The following MEF2A variants were observed in gnomAD, a reference collection of about 807,000 sequenced individuals.
MEF2A encodes myocyte enhancer factor 2A, also known as myocyte-specific enhancer factor 2A.
Under a neutral mutation model 55.8 loss-of-function variants are expected in MEF2A, and 28 were observed. The ratio of observed to expected loss-of-function variants is 0.50; its 90% CI spans 0.37 to 0.69. The LOEUF (loss-of-function observed/expected upper bound fraction) is 0.69, where lower values mean the gene tolerates loss of function less well. Ranked by LOEUF, MEF2A falls within the 30% of genes least tolerant of loss-of-function variation. MEF2A has a pLI of 0.00. For synonymous variants in MEF2A, 239 were observed against 227.1 expected (o/e 1.05, Z -0.47); for missense variants, 528 against 626.2 (o/e 0.84, Z 1.67).
chr15:99,640,217 T>C (rs34877797), intron 3 of MEF2A, among the ~76,000 whole-genome samples: 2 of 152,240 alleles, frequency 1.3e-5, no homozygotes, highest in Non-Finnish European at 2.9e-5. Context: ...TTGTGACTTT[T>C]TGTTTTTTGT....
At chr15:99,711,144 C>A (rs1205020139) in intron 11 of MEF2A, among the ~76,000 whole-genome samples, 9 of 152,234 alleles carry the variant, frequency 5.9e-5, no homozygotes, top group Non-Finnish European at 1.0e-4. Flanking sequence ...TCTGGCTGCA[C>A]TGCTTGAAAG....
intron 2 of MEF2A, among the ~76,000 whole-genome samples, chr15:99,608,480 A>G (rs867080024): frequency 1.2e-4 from 18 of 152,254 alleles, no homozygotes; most frequent in Admixed American, 1.3e-4. Flanking sequence ...AAATTAAAAT[A>G]GAAAGATGCC....
intron 1 of MEF2A, chr15:99,566,643 C>T (rs906110792): frequency 6.6e-6 from 1 of 152,348 alleles, no homozygotes; most frequent in East Asian, 1.9e-4. Flanking sequence ...CCTCCAAGCC[C>T]GGGGGTCTCC....
At chr15:99,636,301 T>C (rs1406535567) in intron 3 of MEF2A, among the ~76,000 whole-genome samples, 1 of 152,204 alleles carries the variant, frequency 6.6e-6, no homozygotes, top group African/African-American at 2.4e-5. Flanking sequence ...TGATATGCAT[T>C]ATAAATATTA....
chr15:99,659,576 T>G (rs144904343), intron 4 of MEF2A, among the ~76,000 whole-genome samples: 121 of 152,300 alleles, frequency 7.9e-4, no homozygotes, highest in African/African-American at 2.8e-3. Flanking sequence ...TGCAGTCCAT[T>G]TAAGAAATGA....
intron 4 of MEF2A, among the ~76,000 whole-genome samples, chr15:99,662,778 C>G (rs183106765): frequency 6.6e-6 from 1 of 152,248 alleles, no homozygotes; most frequent in Admixed American, 6.5e-5. Context: ...GCGCCCGGCC[C>G]AAGCCATGAT....
rs1467669869 is a variant in MEF2A, at chr15:99,715,032, A to G, written c.*2261A>G. 1.3e-5 allele frequency: 2 copies of G among 152,134 alleles called. No homozygotes were observed. The highest frequency in any genetic ancestry group is 4.8e-5 in the African/African-American group (2 of 41,434). The allele number at this position is 152,134 out of a possible 1,614,324, so 9.4% of individuals were successfully genotyped here. On this transcript the variant is annotated 3_prime_UTR_variant, in exon 12 of 12. Transcript: ENST00000557942. The stretch of plus-strand genomic sequence containing the variant: ...TGACATGCTGTCTCCTCTCTTCAGT[A>G]TAGACATTAGGCTCTTATTCAGAAA...
intron 8 of MEF2A, among the ~76,000 whole-genome samples, chr15:99,702,367 T>G (rs978918887): frequency 3.9e-5 from 6 of 152,038 alleles, no homozygotes; most frequent in African/African-American, 1.2e-4. Context: ...AAAAACTGAT[T>G]AGACTGTTTC....
intron 1 of MEF2A, among the ~76,000 whole-genome samples, chr15:99,590,444 A>G (rs1218955072): frequency 2.7e-5 from 4 of 146,154 alleles, no homozygotes; most frequent in Non-Finnish European, 4.5e-5. Flanking sequence ...CTAGTATGAC[A>G]GTCTCTACTG....
In MEF2A at chr15:99,713,315, T is replaced by A. The variant is rs931409840; in HGVS notation, c.*544T>A. The A allele has an allele frequency of 3.4e-6, 1 of 298,360 alleles. No homozygotes were observed. Among genetic ancestry groups the A allele is most frequent in the Non-Finnish European group, 6.1e-6 (1 of 164,032 alleles). 18.5% of individuals were successfully genotyped at this position (298,360 alleles called of 1,614,324 possible). On this transcript the variant is annotated 3_prime_UTR_variant, in exon 12 of 12. Coordinates refer to ENST00000557942, the MANE Select transcript of MEF2A (RefSeq NM_001319206.4). ...TGCAAAGGGGTGCATGGGAAAGGGC[T>A]GTTGATATTAAAAACAAACAAAACA...
At chr15:99,574,371 A>G (rs545318486) in intron 1 of MEF2A, among the ~76,000 whole-genome samples, 5 of 152,302 alleles carry the variant, frequency 3.3e-5, no homozygotes, top group Admixed American at 1.3e-4. Context: ...TTTCAAAATG[A>G]TTCAAGCACA....
intron 4 of MEF2A, among the ~76,000 whole-genome samples, chr15:99,653,509 A>G (rs1036107308): frequency 4.6e-5 from 7 of 152,200 alleles, no homozygotes; most frequent in African/African-American, 1.7e-4. Context: ...GACATACCTT[A>G]TAATTTTCTA....
chr15:99,617,730 AT>A (rs1038303274), intron 2 of MEF2A, among the ~76,000 whole-genome samples: 1 of 151,328 alleles, frequency 6.6e-6, no homozygotes, highest in East Asian at 1.9e-4. Flanking sequence ...TTCATTCTAA[AT>A]TTTTTTTTGT....
At chr15:99,575,744 G>A (rs1275419927) in intron 1 of MEF2A, among the ~76,000 whole-genome samples, 1 of 152,164 alleles carries the variant, frequency 6.6e-6, no homozygotes, top group Non-Finnish European at 1.5e-5. Flanking sequence ...TTGCAAAATA[G>A]TGTTTTTCTA....
chr15:99,683,493 A>G (rs1343101223), intron 7 of MEF2A, among the ~76,000 whole-genome samples: 1 of 152,012 alleles, frequency 6.6e-6, no homozygotes, highest in East Asian at 1.9e-4. Flanking sequence ...TGCAGCCTCC[A>G]CCTCTGCGGC....
intron 2 of MEF2A, among the ~76,000 whole-genome samples, chr15:99,623,608 C>T (rs1295137890): frequency 2.6e-5 from 4 of 152,128 alleles, no homozygotes; most frequent in Non-Finnish European, 5.9e-5. Context: ...GAAATGGCAT[C>T]TCATTGTGGT....
chr15:99,614,696 T>G (rs1347197989), intron 2 of MEF2A, among the ~76,000 whole-genome samples: 1 of 152,174 alleles, frequency 6.6e-6, no homozygotes, highest in Non-Finnish European at 1.5e-5. Flanking sequence ...AGGGAACATT[T>G]CCTTGAGGAA....
intron 4 of MEF2A, among the ~76,000 whole-genome samples, chr15:99,660,486 T>A (rs1175305065): frequency 6.6e-6 from 1 of 152,176 alleles, no homozygotes; most frequent in African/African-American, 2.4e-5. Flanking sequence ...TCGTACTCTT[T>A]CTTCCCTGTT....
At chr15:99,642,108 T>G (rs778798299) in intron 3 of MEF2A, among the ~76,000 whole-genome samples, 37 of 152,230 alleles carry the variant, frequency 2.4e-4, no homozygotes, top group Non-Finnish European at 4.8e-4. Flanking sequence ...ACTTGAAGTC[T>G]GACTTGGCTA....
Sources: allele counts gnomAD v4.1 joint callset (sites outside exome capture counted in the v4.1 genomes callset), GRCh38; gene constraint gnomAD v4.1.1; transcripts MANE v1.5; gene names NCBI Gene and HGNC (gene_info 2026-07-23, HGNC 2026-07-21).